The following KCNT1 variants were observed in gnomAD, a reference collection of about 807,000 sequenced individuals.
KCNT1 encodes potassium channel subfamily T member 1.
KCNT1 carries 78 observed loss-of-function variants against 147.8 expected under a neutral mutation model. That is an observed-to-expected ratio of 0.53 (90% CI 0.44 to 0.64). The LOEUF is 0.64. KCNT1 is among the 30% of genes least tolerant of loss of function. The pLI is 0.00. For missense variants in KCNT1, 1,419 were observed against 1,750.3 expected (o/e 0.81, Z 3.38); for synonymous variants, 867 against 748.8 (o/e 1.16, Z -2.58).
chr9:135,759,685 C>A lies in KCNT1; in HGVS notation c.861C>A (p.Cys287Ter). ...TLLCLVFTGT[C>*]GIQHLERAGE... ...TCACTGCCAGGGGTTGCAGGACCTG[C>A]GGCATCCAGCACCTGGAGCGGGCGG... is the stretch of plus-strand genomic sequence containing the variant. Residue 287 changes from cysteine (C) to a stop codon, truncating the protein, a stop_gained, in exon 11 of 31, where the codon TGC (cysteine) becomes TGA (stop). Coordinates refer to ENST00000371757, the MANE Select transcript of KCNT1 (RefSeq NM_020822.3). LOFTEE classifies it high-confidence loss of function. 6.2e-7 allele frequency: 1 copy of A among 1,603,846 alleles called. No homozygotes were observed. Among genetic ancestry groups the A allele is most frequent in the South Asian group, 1.1e-5 (1 of 89,660 alleles).
chr9:135,748,704 G>A (rs1335437855), intron 2 of KCNT1, among the ~76,000 whole-genome samples: 7 of 152,230 alleles, frequency 4.6e-5, no homozygotes, highest in Non-Finnish European at 7.3e-5. Flanking sequence ...CTTCCAGGCA[G>A]CACAAGTCTT....
In KCNT1 at chr9:135,757,445, G is replaced by A. The variant is rs919908580; in HGVS notation, c.759+64G>A. ...GCCACCCTCAGCCTCACCGGCCCTGGAAGACACTGTGCGACGTAGCCTGCC... is the reference window on the plus strand; with the variant it reads ...GCCACCCTCAGCCTCACCGGCCCTGAAAGACACTGTGCGACGTAGCCTGCC... On this transcript the variant is annotated intron_variant, in intron 9 of 30. Coordinates refer to ENST00000371757, the MANE Select transcript of KCNT1 (RefSeq NM_020822.3). 9.5e-6 allele frequency: 14 copies of A among 1,473,494 alleles called. No individual in the cohort carries two copies. In the African/African-American group the frequency reaches 1.7e-4, roughly 18 times the overall value. 91.3% of individuals were successfully genotyped at this position (1,473,494 alleles called of 1,614,324 possible).
intron 24 of KCNT1, 101 bp from the exon 25 acceptor site, chr9:135,783,923 C>A: frequency 1.2e-6 from 1 of 812,866 alleles, no homozygotes; most frequent in South Asian, 1.4e-5. Context: ...AGGTATCATG[C>A]ACACATGTAC....
intron 2 of KCNT1, among the ~76,000 whole-genome samples, chr9:135,735,864 T>C (rs1588285278): frequency 6.6e-6 from 1 of 152,094 alleles, no homozygotes; most frequent in South Asian, 2.1e-4. Context: ...GGCCTCCCGG[T>C]GCCAATACCC....
intron 24 of KCNT1, 113 bp from the exon 25 acceptor site, chr9:135,783,911 A>G: frequency 1.3e-6 from 1 of 753,584 alleles, no homozygotes; most frequent in Non-Finnish European, 2.3e-6. Flanking sequence ...AAATGTGCAC[A>G]CAGGTATCAT....
intron 28 of KCNT1, 21 bp from the exon 29 acceptor site, chr9:135,786,176 G>A (rs755524045): frequency 8.2e-6 from 10 of 1,212,168 alleles, no homozygotes; most frequent in Non-Finnish European, 1.0e-5. Context: ...TCCCCGCCCT[G>A]CCCTGCCCTG....
intron 2 of KCNT1, among the ~76,000 whole-genome samples, chr9:135,731,198 T>C (rs940483301): frequency 3.3e-5 from 5 of 152,076 alleles, no homozygotes; most frequent in Admixed American, 2.0e-4. Flanking sequence ...CCTTGTTCTC[T>C]AGCAAAACTA....
chr9:135,705,373 G>A (rs1835210395), intron 1 of KCNT1, among the ~76,000 whole-genome samples: 1 of 152,244 alleles, frequency 6.6e-6, no homozygotes, highest in Admixed American at 6.5e-5. Flanking sequence ...CTGCATGGGT[G>A]AGGGATGCTG....
chr9:135,709,161 C>T (rs1835378240), intron 1 of KCNT1, among the ~76,000 whole-genome samples: 1 of 152,200 alleles, frequency 6.6e-6, no homozygotes, highest in Non-Finnish European at 1.5e-5. Flanking sequence ...GCTGGGTGCC[C>T]AGAGAAACCC....
chr9:135,775,924 G>T (rs1833139151), intron 20 of KCNT1, among the ~76,000 whole-genome samples: 1 of 151,996 alleles, frequency 6.6e-6, no homozygotes, highest in African/African-American at 2.4e-5. Flanking sequence ...CCTTAATCTG[G>T]AATGTTCCCT....
At chr9:135,780,100 C>T (rs751827490) in intron 24 of KCNT1, among the ~76,000 whole-genome samples, 3 of 152,230 alleles carry the variant, frequency 2.0e-5, no homozygotes, top group Admixed American at 6.5e-5. Flanking sequence ...CCCAGGGGCA[C>T]GGGCACTGTT....
At chr9:135,759,908 C>A (rs757233981) in intron 11 of KCNT1, 49 bp downstream of exon 11, 3 of 1,519,044 alleles carry the variant, frequency 2.0e-6, no homozygotes, top group Non-Finnish European at 2.7e-6. Context: ...AAGGGACAGG[C>A]GGGTGCCAGT....
At chr9:135,712,087 G>A (rs1835520902) in intron 1 of KCNT1, among the ~76,000 whole-genome samples, 1 of 152,188 alleles carries the variant, frequency 6.6e-6, no homozygotes, top group African/African-American at 2.4e-5. Context: ...GGCCTGCAGG[G>A]TGTGTGCTGA....
intron 1 of KCNT1, among the ~76,000 whole-genome samples, chr9:135,711,927 A>G (rs952014681): frequency 2.6e-5 from 4 of 152,154 alleles, no homozygotes; most frequent in African/African-American, 9.7e-5. Flanking sequence ...TTACATCTTC[A>G]CACTCTTCCT....
chr9:135,767,966 C>CA (rs1419204167), intron 13 of KCNT1, among the ~76,000 whole-genome samples: 1 of 151,160 alleles, frequency 6.6e-6, no homozygotes, highest in African/African-American at 2.4e-5. Flanking sequence ...CCCCTGCCCC[C>CA]ACCCGCTGTC....
chr9:135,784,918 G>A (rs1027819564), intron 27 of KCNT1, 29 bp downstream of exon 27: 2 of 1,608,154 alleles, frequency 1.2e-6, no homozygotes, highest in Non-Finnish European at 1.7e-6. Context: ...GGCTGGGACT[G>A]TGGCAGCCCC....
intron 27 of KCNT1, 139 bp from the exon 28 acceptor site, chr9:135,785,171 G>T: frequency 7.5e-7 from 1 of 1,327,048 alleles, no homozygotes; most frequent in Non-Finnish European, 1.0e-6. Context: ...AATACGGGCA[G>T]CCCCTGTGCT....
At chr9:135,763,220 T>A (rs1207903675) in intron 11 of KCNT1, among the ~76,000 whole-genome samples, 1 of 128,978 alleles carries the variant, frequency 7.8e-6, no homozygotes, top group Non-Finnish European at 1.7e-5. Context: ...CCCCACCGTC[T>A]AAGCCGCTCC....
At chr9:135,710,466 G>A (rs574845796) in intron 1 of KCNT1, among the ~76,000 whole-genome samples, 1 of 152,160 alleles carries the variant, frequency 6.6e-6, no homozygotes, top group Non-Finnish European at 1.5e-5. Flanking sequence ...GAAGGATGTC[G>A]CCCCTCCTGA....
Sources: gnomAD v4.1 joint callset for allele counts (sites outside exome capture counted in the v4.1 genomes callset) on GRCh38, gnomAD v4.1.1 for gene constraint, MANE v1.5 for transcripts, NCBI Gene and HGNC (gene_info 2026-07-23, HGNC 2026-07-21) for gene names.